AKAP13: variants seen among roughly 807,000 people sequenced by gnomAD.
AKAP13 encodes A-kinase anchoring protein 13, also known as A-kinase anchor protein 13.
A neutral mutation model predicts 264.5 loss-of-function variants in AKAP13; 80 were observed. The ratio of observed to expected loss-of-function variants is 0.30; its 90% CI spans 0.25 to 0.36. The LOEUF (loss-of-function observed/expected upper bound fraction) is 0.36, where lower values mean the gene tolerates loss of function less well. Among genes scored for constraint, AKAP13 ranks in the 10% least tolerant of loss-of-function variants. The pLI is 1.00. For synonymous variants in AKAP13, 1,380 were observed against 1,250.2 expected, an observed-to-expected ratio of 1.10 and a Z score of -2.19; for missense variants, 3,712 against 3,435.2, an observed-to-expected ratio of 1.08 and a Z score of -2.01.
intron 10 of AKAP13, among the ~76,000 whole-genome samples, chr15:85,647,638 C>T (rs759029696): frequency 6.6e-6 from 1 of 151,968 alleles, no homozygotes; most frequent in African/African-American, 2.4e-5. Context: ...ACAAAAAATT[C>T]TATGAAGTAA....
In AKAP13 at chr15:85,660,026, A is replaced by T. The variant is rs34058195; in HGVS notation, c.4799+1436A>T. 4.9e-3 allele frequency among the ~76,000 whole-genome samples: 739 copies of T among 152,264 alleles called. 14 individuals are homozygous for T. The highest frequency in any genetic ancestry group is 0.011 in the Admixed American group (166 of 15,292). On this transcript the variant is annotated intron_variant, in intron 12 of 36. Transcript: ENST00000394518. ...CCAGAAAGGGCAGACGTTGTAGACCATCTGCAGCTTCCTTCCTGGTACCTT... is the reference window on the plus strand; with the variant it reads ...CCAGAAAGGGCAGACGTTGTAGACCTTCTGCAGCTTCCTTCCTGGTACCTT...
intron 1 of AKAP13, among the ~76,000 whole-genome samples, chr15:85,406,656 A>G (rs367987879): frequency 1.3e-5 from 2 of 151,522 alleles, no homozygotes; most frequent in African/African-American, 4.9e-5. Context: ...CTGAATTCCT[A>G]TTTAGAAATA....
At chr15:85,415,190 A>T in intron 1 of AKAP13, 1 of 1,335,472 alleles carries the variant, frequency 7.5e-7, no homozygotes, top group Non-Finnish European at 1.0e-6. Flanking sequence ...ACGCCGACGC[A>T]GACCCCGCTC....
At chr15:85,404,337 G>A (rs533915190) in intron 1 of AKAP13, among the ~76,000 whole-genome samples, 2 of 152,252 alleles carry the variant, frequency 1.3e-5, no homozygotes, top group East Asian at 3.9e-4. Context: ...ATTGCCCACC[G>A]AATAAAATCT....
chr15:85,702,753 A>T (rs1597115218), intron 17 of AKAP13: 1 of 152,136 alleles, frequency 6.6e-6, no homozygotes, highest in East Asian at 1.9e-4. Context: ...CCAAAACGCT[A>T]CTCTTGCTTT....
intron 2 of AKAP13, among the ~76,000 whole-genome samples, chr15:85,503,455 TG>T (rs2151096444): frequency 6.6e-6 from 1 of 152,338 alleles, no homozygotes; most frequent in Admixed American, 6.5e-5. Flanking sequence ...ATCTTGTAGT[TG>T]ACAGTGTCCC....
chr15:85,450,996 T>C (rs1173102253), intron 1 of AKAP13, among the ~76,000 whole-genome samples: 1 of 152,136 alleles, frequency 6.6e-6, no homozygotes, highest in Non-Finnish European at 1.5e-5. Context: ...CCATGTCTCT[T>C]TGTAGGTCTC....
At chr15:85,452,986 G>C (rs1406537841) in intron 1 of AKAP13, among the ~76,000 whole-genome samples, 2 of 152,180 alleles carry the variant, frequency 1.3e-5, no homozygotes, top group Non-Finnish European at 2.9e-5. Context: ...CAGTTGCTTA[G>C]TGCAGTCAGC....
intron 8 of AKAP13, among the ~76,000 whole-genome samples, chr15:85,604,909 T>C (rs1320738201): frequency 6.6e-6 from 1 of 152,180 alleles, no homozygotes; most frequent in African/African-American, 2.4e-5. Flanking sequence ...GCTAAGCTCT[T>C]GAATACCACT....
chr15:85,662,669 A>G (rs1023824366), intron 12 of AKAP13, among the ~76,000 whole-genome samples: 14 of 152,218 alleles, frequency 9.2e-5, no homozygotes, highest in African/African-American at 3.1e-4. Context: ...TATGTCTCAA[A>G]TGGCCATAGA....
chr15:85,389,571 GTT>G (rs1262578102), intron 1 of AKAP13, among the ~76,000 whole-genome samples: 42 of 152,196 alleles, frequency 2.8e-4, no homozygotes, highest in African/African-American at 9.9e-4. Context: ...AGTATGCTTT[GTT>G]GGTGGTTCTT....
In AKAP13 at chr15:85,581,621, C is replaced by A; in HGVS notation, c.3553C>A (p.Pro1185Thr). ...AGCCCAAATAGACGATGAAGCACATCCTGTCCTACTGCAGCCTGTTGCCAA... is the reference window on the plus strand; with the variant it reads ...AGCCCAAATAGACGATGAAGCACATACTGTCCTACTGCAGCCTGTTGCCAA... ...EEAQIDDEAH[P>T]VLLQPVAKEL... Residue 1185 changes from proline (P) to threonine (T), a missense_variant, in exon 7 of 37, where the codon CCT (proline) becomes ACT (threonine). Transcript: ENST00000394518. The A allele has an allele frequency of 2.5e-6, 4 of 1,614,182 alleles. No homozygotes were observed. The highest frequency in any genetic ancestry group is 3.4e-6 in the Non-Finnish European group (4 of 1,180,038).
At chr15:85,588,617 TAAAG>T (rs1431359824) in intron 8 of AKAP13, among the ~76,000 whole-genome samples, 3 of 152,190 alleles carry the variant, frequency 2.0e-5, no homozygotes, top group Non-Finnish European at 2.9e-5. Flanking sequence ...AAACATGACT[TAAAG>T]AAAAGAAAAG....
At chr15:85,413,224 G>A (rs1414636670) in intron 1 of AKAP13, among the ~76,000 whole-genome samples, 2 of 152,220 alleles carry the variant, frequency 1.3e-5, no homozygotes, top group African/African-American at 2.4e-5. Flanking sequence ...CCCAGGTCAC[G>A]TAGTCTTGTA....
At chr15:85,667,749 C>G (rs910860039) in intron 13 of AKAP13, among the ~76,000 whole-genome samples, 11 of 152,290 alleles carry the variant, frequency 7.2e-5, no homozygotes, top group African/African-American at 2.6e-4. Flanking sequence ...ATTAATTTCT[C>G]TGCTTTTTTC....
chr15:85,690,614 G>A (rs926673442), intron 16 of AKAP13, among the ~76,000 whole-genome samples: 2 of 152,190 alleles, frequency 1.3e-5, no homozygotes, highest in African/African-American at 4.8e-5. Flanking sequence ...ATTAACAAAA[G>A]ACTTCACATG....
chr15:85,565,737 T>C (rs2078583853), intron 5 of AKAP13, among the ~76,000 whole-genome samples: 1 of 152,230 alleles, frequency 6.6e-6, no homozygotes, highest in Non-Finnish European at 1.5e-5. Flanking sequence ...ATGGGCCTCA[T>C]AGTTCACCTA....
intron 16 of AKAP13, among the ~76,000 whole-genome samples, chr15:85,686,191 ATGTG>A (rs55994240): frequency 3.3e-5 from 5 of 151,354 alleles, no homozygotes; most frequent in South Asian, 2.1e-4. Flanking sequence ...ACGTGCATGC[ATGTG>A]TGTGTGTGTG....
At chr15:85,662,439 C>T (rs745651912) in intron 12 of AKAP13, 2 of 1,614,036 alleles carry the variant, frequency 1.2e-6, no homozygotes, top group East Asian at 2.2e-5. Context: ...TGAGTGCTGA[C>T]TTTAATTACA....
Sources: gnomAD v4.1 joint callset for allele counts (sites outside exome capture counted in the v4.1 genomes callset) on GRCh38, gnomAD v4.1.1 for gene constraint, MANE v1.5 for transcripts, NCBI Gene and HGNC (gene_info 2026-07-23, HGNC 2026-07-21) for gene names.